The following TRPV4 variants were observed in gnomAD, a reference collection of about 807,000 sequenced individuals.
TRPV4 encodes transient receptor potential cation channel subfamily V member 4, also known as OSM9-like transient receptor potential channel 4.
Under a neutral mutation model 84.1 loss-of-function variants are expected in TRPV4, and 58 were observed. That is an observed-to-expected ratio of 0.69 (90% CI 0.56 to 0.86). TRPV4 has a LOEUF of 0.86. TRPV4 is among the 40% of genes least tolerant of loss of function. TRPV4 has a pLI of 0.00. For synonymous variants in TRPV4, 489 were observed against 500.9 expected, an observed-to-expected ratio of 0.98 and a Z score of 0.32; for missense variants, 879 against 1,181.1, an observed-to-expected ratio of 0.74 and a Z score of 3.75.
Position 109,793,968 on chromosome 12 carries a change from T to C in TRPV4, c.1546A>G (p.Ile516Val), listed in dbSNP as rs115976458. ...AACAGGACCCCAGTGAAGAGCGTAA[T>C]GACCTCGCCAGCCAGCCGCAGGTAG... ...VDYLRLAGEVITLFTGVLFFF... is the reference protein window; with the variant it reads ...VDYLRLAGEVVTLFTGVLFFF... The change falls in exon 9 of 16, where the codon ATT (isoleucine) becomes GTT (valine). Residue 516 changes from isoleucine to valine, a missense_variant. Physicochemically the swap from Ile to Val is conservative, Grantham distance 29 (BLOSUM62 3). Coordinates refer to ENST00000261740, the MANE Select transcript of TRPV4 (RefSeq NM_021625.5). This position sits in a 1 kb window ranked among gnomAD's most constrained non-coding sequence, Gnocchi z 4.0. The C allele has an allele frequency of 1.5e-4, 238 of 1,610,516 alleles. 1 individual carries two copies. The Middle Eastern group carries it at 3.8e-3, about 26-fold the overall frequency.
intron 5 of TRPV4, among the ~76,000 whole-genome samples, chr12:109,799,724 G>A (rs1186539273): frequency 6.6e-6 from 1 of 152,138 alleles, no homozygotes. Context: ...CACATGCCTG[G>A]AAAGTGCAGA....
At chr12:109,832,134 C>T (rs1892425468) in intron 1 of TRPV4, among the ~76,000 whole-genome samples, 1 of 152,170 alleles carries the variant, frequency 6.6e-6, no homozygotes, top group African/African-American at 2.4e-5. Flanking sequence ...GGAGAGAACA[C>T]AAAGGCTCAG....
At chr12:109,806,914 T>C (rs1442978609) in intron 3 of TRPV4, among the ~76,000 whole-genome samples, 1 of 146,962 alleles carries the variant, frequency 6.8e-6, no homozygotes, top group Non-Finnish European at 1.5e-5. Flanking sequence ...TATATGTGGA[T>C]GATGTAGCAC....
Position 109,783,537 on chromosome 12 carries a change from T to TG in TRPV4, c.*83dup. 1.3e-6 allele frequency: 2 copies of TG among 1,537,736 alleles called. No individual in the cohort carries two copies. Among genetic ancestry groups the TG allele is most frequent in the Non-Finnish European group, 1.8e-6 (2 of 1,135,036 alleles). ...TCGCCTCTGGGGCCAAAGCAGGGTG[T>TG]GGGGGGACACCCCAGAAGGCACTGC... On this transcript the variant is annotated 3_prime_UTR_variant, in exon 16 of 16. Coordinates refer to ENST00000261740, the MANE Select transcript of TRPV4 (RefSeq NM_021625.5). This position sits in a 1 kb window ranked among gnomAD's most constrained non-coding sequence, Gnocchi z 4.6.
chr12:109,811,957 A>C (rs1371286666), intron 2 of TRPV4, among the ~76,000 whole-genome samples: 1 of 152,130 alleles, frequency 6.6e-6, no homozygotes, highest in Non-Finnish European at 1.5e-5. Context: ...GAAAGGATAC[A>C]GTTCAGCAGG....
chr12:109,798,839 G>T lies in TRPV4; in HGVS notation c.927C>A (p.His309Gln). The T allele has an allele frequency of 6.2e-7, 1 of 1,614,144 alleles. No homozygotes were observed. Among genetic ancestry groups the T allele is most frequent in the Non-Finnish European group, 8.5e-7 (1 of 1,180,044 alleles). Residue 309 changes from histidine to glutamine, a missense_variant, in exon 6 of 16, where the codon CAC becomes CAA. Physicochemically the swap from His to Gln is conservative, Grantham distance 24. Around this residue, in one of 4 missense-constraint regions of TRPV4, gnomAD observed 521 missense variants for 686.6 expected, o/e 0.76. Coordinates refer to ENST00000261740, the MANE Select transcript of TRPV4 (RefSeq NM_021625.5). The surrounding 1 kb of genome is among the most constrained non-coding windows in gnomAD (Gnocchi z 5.0). ...HIVNYLTENPHKKADMRRQDS... is the reference protein window; with the variant it reads ...HIVNYLTENPQKKADMRRQDS... Reference sequence around the variant, plus strand: ...CCTGGCGCCGCATGTCCGCCTTCTTGTGGGGGTTCTCCGTCAGGTAGTTGA... The same window carrying T: ...CCTGGCGCCGCATGTCCGCCTTCTTTTGGGGGTTCTCCGTCAGGTAGTTGA...
chr12:109,810,119 CTCAT>C (rs1234214725), intron 2 of TRPV4, among the ~76,000 whole-genome samples: 2 of 152,194 alleles, frequency 1.3e-5, no homozygotes, highest in Non-Finnish European at 2.9e-5. Flanking sequence ...CTTGGAGACA[CTCAT>C]TCAGTCATTC....
Position 109,794,110 on chromosome 12 carries a change from C to T in TRPV4, c.1492-88G>A, listed in dbSNP as rs1274839772. 1.9e-5 allele frequency: 24 copies of T among 1,243,932 alleles called. No individual in the cohort carries two copies. The Admixed American group carries it at 3.0e-4, about 15-fold the overall frequency. 77.1% of individuals were successfully genotyped at this position (1,243,932 alleles called of 1,614,324 possible). A position where few individuals can be genotyped will look rare whatever the true frequency, so the allele number is the denominator to read the frequency against. On this transcript the variant is annotated intron_variant, in intron 8 of 15. Transcript: ENST00000261740. ...AGATGTTCCCCCAGGCCCGAAACATCGGCATCCCATGGAGCCTCCTCCTTC... is the reference window on the plus strand; with the variant it reads ...AGATGTTCCCCCAGGCCCGAAACATTGGCATCCCATGGAGCCTCCTCCTTC...
At chr12:109,787,088 T>C (rs1055981172) in intron 13 of TRPV4, among the ~76,000 whole-genome samples, 8 of 152,080 alleles carry the variant, frequency 5.3e-5, no homozygotes, top group African/African-American at 1.9e-4. Context: ...AGCAGTTGCC[T>C]CTCAGTGAGG....
At chr12:109,794,581 C>A (rs377565759) in intron 7 of TRPV4, 94 bp from the exon 8 acceptor site, 1 of 1,320,116 alleles carries the variant, frequency 7.6e-7, no homozygotes, top group Non-Finnish European at 1.1e-6. Flanking sequence ...ACCCTCCACC[C>A]GGACAGCGCT....
At chr12:109,810,376 A>G (rs1891447487) in intron 2 of TRPV4, among the ~76,000 whole-genome samples, 1 of 152,180 alleles carries the variant, frequency 6.6e-6, no homozygotes, top group South Asian at 2.1e-4. Flanking sequence ...AAACCCTAAC[A>G]AGAGGCAGCA....
At chr12:109,806,172 A>G (rs1891107474) in intron 3 of TRPV4, among the ~76,000 whole-genome samples, 1 of 151,618 alleles carries the variant, frequency 6.6e-6, no homozygotes, top group African/African-American at 2.4e-5. Context: ...ATGAATGAAT[A>G]TTTTTCATAA....
chr12:109,831,068 G>T (rs865864522), intron 1 of TRPV4, among the ~76,000 whole-genome samples: 1 of 152,250 alleles, frequency 6.6e-6, no homozygotes, highest in African/African-American at 2.4e-5. Flanking sequence ...TCACTCCCAG[G>T]CAGGACTTCT....
intron 1 of TRPV4, among the ~76,000 whole-genome samples, chr12:109,830,790 G>A (rs955145324): frequency 6.6e-6 from 1 of 152,178 alleles, no homozygotes; most frequent in African/African-American, 2.4e-5. Flanking sequence ...TAGGAACAGA[G>A]GAAGGAACTC....
Position 109,783,817 on chromosome 12 carries a change from G to C in TRPV4, c.2459-39C>G, listed in dbSNP as rs754871908. On this transcript the variant is annotated intron_variant, in intron 15 of 15. Transcript: ENST00000261740. This position sits in a 1 kb window ranked among gnomAD's most constrained non-coding sequence, Gnocchi z 4.6. ...ACATCAGAGGGAGGGGTGGGGGTTG[G>C]TGGAGAGAGAGCGTGCGTATATTGA... The C allele has an allele frequency of 2.5e-6, 4 of 1,604,952 alleles. No individual in the cohort carries two copies. The highest frequency in any genetic ancestry group is 3.4e-6 in the Non-Finnish European group (4 of 1,179,512).
At chr12:109,821,954 G>A (rs1453661565) in intron 1 of TRPV4, among the ~76,000 whole-genome samples, 1 of 152,134 alleles carries the variant, frequency 6.6e-6, no homozygotes, top group Non-Finnish European at 1.5e-5. Flanking sequence ...AAAATGAGGT[G>A]TCAATGAATA....
At chr12:109,788,350 G>A in intron 13 of TRPV4, 50 bp downstream of exon 13, 2 of 1,574,312 alleles carry the variant, frequency 1.3e-6, no homozygotes, top group Non-Finnish European at 1.7e-6. Flanking sequence ...GGTCTCCTCG[G>A]AAGGACGAGG....
At chr12:109,789,752 T>A (rs1477238572) in intron 12 of TRPV4, among the ~76,000 whole-genome samples, 1 of 152,204 alleles carries the variant, frequency 6.6e-6, no homozygotes, top group East Asian at 1.9e-4. Context: ...ACTCATATGC[T>A]AATGTTCTTC....
chr12:109,808,156 A>C (rs982583580), intron 3 of TRPV4, 140 bp downstream of exon 3: 21 of 896,380 alleles, frequency 2.3e-5, no homozygotes, highest in Non-Finnish European at 3.6e-5. Flanking sequence ...ACAGGACCAG[A>C]CTCCCTGTCC....
Sources: gnomAD v4.1 joint callset for allele counts (sites outside exome capture counted in the v4.1 genomes callset) on GRCh38, gnomAD v4.1.1 for gene constraint, gnomAD v4.1.1 regional missense constraint, Gnocchi (gnomAD v3.1) non-coding constraint, MANE v1.5 for transcripts, NCBI Gene and HGNC (gene_info 2026-07-23, HGNC 2026-07-21) for gene names.